Variants in UPRT observed in about 807,000 individuals in gnomAD.
The protein encoded by UPRT is uracil phosphoribosyltransferase homolog.
A neutral mutation model predicts 22.6 loss-of-function variants in UPRT; 5 were observed. That is an observed-to-expected ratio of 0.22 (90% CI 0.12 to 0.47). The LOEUF (loss-of-function observed/expected upper bound fraction) is 0.47, where lower values mean the gene tolerates loss of function less well. UPRT is among the 20% of genes least tolerant of loss of function. The pLI, the probability that UPRT is intolerant of heterozygous loss-of-function variation, is 0.99. For synonymous variants in UPRT, 77 were observed against 87.7 expected, an observed-to-expected ratio of 0.88 and a Z score of 0.68; for missense variants, 181 against 239.9, an observed-to-expected ratio of 0.75 and a Z score of 1.62.
chrX:75,215,904 A>G (rs2082391615), intron 4 of UPRT, among the ~76,000 whole-genome samples: 1 of 111,910 alleles, frequency 8.9e-6, no homozygotes, highest in African/African-American at 3.2e-5. Flanking sequence ...AACCAAAAGT[A>G]CCAGGTCCAG....
At chrX:75,245,806 G>C (rs1183991947) in intron 4 of UPRT, among the ~76,000 whole-genome samples, 4 of 111,442 alleles carry the variant, frequency 3.6e-5, no homozygotes, top group African/African-American at 1.3e-4. Context: ...TGGAGAAAGG[G>C]AGGAGGGTGA....
chrX:75,229,054 C>A (rs776249443), intron 4 of UPRT, among the ~76,000 whole-genome samples: 2 of 111,865 alleles, frequency 1.8e-5, no homozygotes, highest in Admixed American at 1.9e-4. Flanking sequence ...ACTTTCAGTT[C>A]TGAAATGAAT....
At chrX:75,264,594 C>T (rs1323725738) in intron 4 of UPRT, among the ~76,000 whole-genome samples, 1 of 111,124 alleles carries the variant, frequency 9.0e-6, no homozygotes, top group Non-Finnish European at 1.9e-5. Flanking sequence ...TCCTCCATCC[C>T]TTTATTTTGA....
chrX:75,237,984 A>G (rs189627010), intron 4 of UPRT, among the ~76,000 whole-genome samples: 2 of 111,656 alleles, frequency 1.8e-5, no homozygotes, highest in East Asian at 2.8e-4. Flanking sequence ...AGAATCCTAG[A>G]TCTTGAAACG....
chrX:75,182,898 G>T (rs1297905499), intron 4 of UPRT, among the ~76,000 whole-genome samples: 1 of 110,447 alleles, frequency 9.1e-6, no homozygotes, highest in Non-Finnish European at 1.9e-5. Flanking sequence ...TTTGATATTG[G>T]TTTGCTCTTG....
chrX:75,300,968 G>A lies in UPRT; in HGVS notation c.823+3G>A. The A allele has an allele frequency of 8.4e-7, 1 of 1,192,024 alleles. No homozygotes were observed. The highest frequency in any genetic ancestry group is 1.8e-5 in the South Asian group (1 of 55,601). On this transcript the variant is annotated splice_donor_region_variant and intron_variant, in intron 6 of 6. Transcript: ENST00000373383. Reference sequence around the variant, plus strand: ...CAGTCTGTTCTCCACTCCTCATGGTGAGTTCAGCATGAGGCAGTAACTAGG... The same window carrying A: ...CAGTCTGTTCTCCACTCCTCATGGTAAGTTCAGCATGAGGCAGTAACTAGG...
intron 1 of UPRT, among the ~76,000 whole-genome samples, chrX:75,276,250 G>C (rs938918719): frequency 9.0e-6 from 1 of 111,147 alleles, no homozygotes; most frequent in Admixed American, 9.6e-5. Context: ...CTTCTTTTTC[G>C]TATATTGTTA....
chrX:75,193,759 A>C (rs2082323997), intron 4 of UPRT, among the ~76,000 whole-genome samples: 1 of 111,500 alleles, frequency 9.0e-6, no homozygotes, highest in African/African-American at 3.3e-5. Flanking sequence ...TAATAATTGA[A>C]ATTGCATCAT....
At chrX:75,244,434 A>G (rs748145906) in intron 4 of UPRT, among the ~76,000 whole-genome samples, 37 of 112,159 alleles carry the variant, frequency 3.3e-4, no homozygotes, top group Non-Finnish European at 5.5e-4. Context: ...TTCATATGGA[A>G]CTGAAAAAGA....
At chrX:75,235,341 C>A (rs762081418) in intron 4 of UPRT, among the ~76,000 whole-genome samples, 1 of 111,393 alleles carries the variant, frequency 9.0e-6, no homozygotes, top group Non-Finnish European at 1.9e-5. Flanking sequence ...GATTCACAGC[C>A]GAATTCTACC....
intron 1 of UPRT, among the ~76,000 whole-genome samples, chrX:75,156,926 C>CAG (rs1555961146): frequency 2.8e-5 from 3 of 108,931 alleles, no homozygotes; most frequent in African/African-American, 1.0e-4. Context: ...CACACACACA[C>CAG]AGAGAGACTA....
At chrX:75,277,544 C>G (rs1046694821) in intron 1 of UPRT, among the ~76,000 whole-genome samples, 1 of 110,628 alleles carries the variant, frequency 9.0e-6, no homozygotes, top group Non-Finnish European at 1.9e-5. Context: ...CATGGAGCCC[C>G]TGGGAGGCTA....
Position 75,257,557 on chromosome X carries a change from T to A in UPRT, c.-446-33467T>A, listed in dbSNP as rs187806955. 5.1e-3 allele frequency among the ~76,000 whole-genome samples: 570 copies of A among 111,386 alleles called. 8 individuals carry two copies. Among genetic ancestry groups the A allele is most frequent in the African/African-American group, 0.018 (552 of 30,637 alleles). ...GAGAAAGAAATAAAGGGCATCCAAATCGATAAAGAGAAAGTTAAACTGTCA... is the reference window on the plus strand; with the variant it reads ...GAGAAAGAAATAAAGGGCATCCAAAACGATAAAGAGAAAGTTAAACTGTCA... On this transcript the variant is annotated intron_variant, in intron 4 of 13. Transcript: ENST00000652605.
intron 4 of UPRT, among the ~76,000 whole-genome samples, chrX:75,190,631 T>C (rs1223026096): frequency 2.7e-5 from 3 of 112,356 alleles, no homozygotes; most frequent in Non-Finnish European, 5.6e-5. Context: ...GATGTAGATT[T>C]GGTCTTTTCA....
At chrX:75,158,091 A>G (rs1422485511) in intron 1 of UPRT, among the ~76,000 whole-genome samples, 1 of 112,327 alleles carries the variant, frequency 8.9e-6, no homozygotes, top group African/African-American at 3.2e-5. Context: ...TTTTGATCAA[A>G]AAGTGTGAAT....
At chrX:75,269,158 G>T (rs1306974361), upstream of UPRT, among the ~76,000 whole-genome samples, 1 of 111,576 alleles carries the variant, frequency 9.0e-6, no homozygotes, top group African/African-American at 3.3e-5. Flanking sequence ...ATTCACAATT[G>T]CTACAAAGAG....
chrX:75,161,587 C>T (rs1238496504), intron 2 of UPRT, among the ~76,000 whole-genome samples: 3 of 111,774 alleles, frequency 2.7e-5, no homozygotes, highest in Non-Finnish European at 5.6e-5. Flanking sequence ...TATTAATTAT[C>T]GAGTGCTTCA....
chrX:75,236,853 A>G lies in UPRT; in HGVS notation c.-446-54171A>G, dbSNP rs186358596. The stretch of plus-strand genomic sequence containing the variant: ...CCTAAAACCATAGAAACCCTAGAAG[A>G]AAACCTAGGCATTACCATTCAGGAC... On this transcript the variant is annotated intron_variant, in intron 4 of 13. Transcript: ENST00000652605. 5.4e-3 allele frequency among the ~76,000 whole-genome samples: 612 copies of G among 112,522 alleles called. 1 individual carries two copies. Among genetic ancestry groups the G allele is most frequent in the Middle Eastern group, 0.023 (5 of 216 alleles).
At chrX:75,294,283 G>A (rs991263152) in intron 2 of UPRT, among the ~76,000 whole-genome samples, 5 of 110,827 alleles carry the variant, frequency 4.5e-5, no homozygotes, top group Admixed American at 2.9e-4. Context: ...GTATATTCAT[G>A]AAGTTTAGTG....
Sources: allele counts gnomAD v4.1 joint callset (sites outside exome capture counted in the v4.1 genomes callset), GRCh38; gene constraint gnomAD v4.1.1; transcripts MANE v1.5; gene names NCBI Gene and HGNC (gene_info 2026-07-23, HGNC 2026-07-21).